Variants in SPTAN1 observed in about 807,000 individuals in gnomAD.
The protein encoded by SPTAN1 is spectrin alpha, non-erythrocytic 1, also known as spectrin alpha chain, non-erythrocytic 1.
SPTAN1 carries 61 observed loss-of-function variants against 331.3 expected under a neutral mutation model. The observed-to-expected ratio is 0.18, with a 90% CI of 0.15 to 0.23. The LOEUF is 0.23. SPTAN1 is among the 10% of genes least tolerant of loss of function. The pLI is 1.00. For missense variants in SPTAN1, 2,043 were observed against 3,147.9 expected, an observed-to-expected ratio of 0.65 and a Z score of 8.40; for synonymous variants, 1,153 against 1,173.9, an observed-to-expected ratio of 0.98 and a Z score of 0.36.
At chr9:128,559,275 G>C (rs1052355099) in intron 1 of SPTAN1, among the ~76,000 whole-genome samples, 1 of 152,166 alleles carries the variant, frequency 6.6e-6, no homozygotes, top group African/African-American at 2.4e-5. Context: ...AATTTCAGCA[G>C]GGCCTTGCTG....
intron 40 of SPTAN1, among the ~76,000 whole-genome samples, chr9:128,614,615 A>G (rs1856934827): frequency 6.7e-6 from 1 of 150,134 alleles, no homozygotes; most frequent in South Asian, 2.1e-4. Flanking sequence ...AAAAAACACA[A>G]AAATTAATTA....
chr9:128,622,376 C>T (rs777061288), intron 45 of SPTAN1, among the ~76,000 whole-genome samples: 32 of 150,678 alleles, frequency 2.1e-4, no homozygotes, highest in Admixed American at 1.7e-3. Flanking sequence ...CTGGGCTCAC[C>T]GCAACCTCCA....
intron 40 of SPTAN1, among the ~76,000 whole-genome samples, chr9:128,614,419 C>T (rs1210512614): frequency 6.6e-6 from 1 of 151,774 alleles, no homozygotes; most frequent in Non-Finnish European, 1.5e-5. Flanking sequence ...CAGTGAAACC[C>T]CGTTTCTACT....
chr9:128,581,995 A>G (rs1852005062), intron 12 of SPTAN1, 103 bp downstream of exon 12: 1 of 878,086 alleles, frequency 1.1e-6, no homozygotes, highest in Non-Finnish European at 1.9e-6. Flanking sequence ...ATTCATATGC[A>G]GAGTACTCCT....
intron 1 of SPTAN1, among the ~76,000 whole-genome samples, chr9:128,554,755 G>A (rs980067369): frequency 6.6e-6 from 1 of 152,242 alleles, no homozygotes; most frequent in African/African-American, 2.4e-5. Flanking sequence ...AGGAGGAGGA[G>A]GACTGCATAG....
chr9:128,586,021 T>A lies in SPTAN1; in HGVS notation c.2778+56T>A. ...CAGGGAAGTGGAACAGGGCTTGTAC[T>A]GAGAAGGAAGTTAGGAGAAGTAGTG... On this transcript the variant is annotated intron_variant, in intron 19 of 56. Transcript: ENST00000372739. The A allele has an allele frequency of 1.7e-5, 26 of 1,540,008 alleles. 1 individual carries two copies. In the South Asian group the frequency reaches 2.9e-4, roughly 17 times the overall value.
intron 1 of SPTAN1, among the ~76,000 whole-genome samples, chr9:128,554,436 A>G (rs1380370896): frequency 6.6e-6 from 1 of 152,182 alleles, no homozygotes; most frequent in Non-Finnish European, 1.5e-5. Context: ...AGCTGTTTTA[A>G]GTATGTCTTT....
intron 37 of SPTAN1, among the ~76,000 whole-genome samples, chr9:128,609,886 C>G (rs1330493195): frequency 6.6e-6 from 1 of 152,182 alleles, no homozygotes; most frequent in Non-Finnish European, 1.5e-5. Flanking sequence ...CCTTCTCTCC[C>G]CCAGTTTATC....
chr9:128,574,039 C>T (rs775396061), intron 3 of SPTAN1, among the ~76,000 whole-genome samples: 9 of 152,200 alleles, frequency 5.9e-5, no homozygotes, highest in East Asian at 1.9e-4. Context: ...AGGCATGAGC[C>T]GCTGCACCCA....
In SPTAN1 at chr9:128,611,695, AT is replaced by A. The variant is rs1064795314; in HGVS notation, c.4774-12del. Reference sequence around the variant, plus strand: ...CCTAGCAGGAACTGGTTTGGAAAAAATTTTTTTGGTATTTTTAGAGCAAGCA... The same window carrying A: ...CCTAGCAGGAACTGGTTTGGAAAAAATTTTTTGGTATTTTTAGAGCAAGCA... On this transcript the variant is annotated intron_variant, in intron 37 of 56. Transcript: ENST00000372739. 1 of 1,613,404 alleles carries A rather than the reference AT, an allele frequency of 6.2e-7. No individual in the cohort carries two copies.
chr9:128,589,127 A>G (rs1470962417), intron 21 of SPTAN1, among the ~76,000 whole-genome samples, 184 bp downstream of exon 21: 1 of 152,110 alleles, frequency 6.6e-6, no homozygotes, highest in Non-Finnish European at 1.5e-5. Context: ...CAAGAAGTTA[A>G]TCTGTCTTCT....
At chr9:128,561,699 A>G (rs966175870) in intron 1 of SPTAN1, among the ~76,000 whole-genome samples, 3 of 147,404 alleles carry the variant, frequency 2.0e-5, no homozygotes, top group African/African-American at 7.5e-5. Context: ...GAATATGTCA[A>G]TATGTCAACT....
chr9:128,555,529 T>C (rs769996442), intron 1 of SPTAN1: 5 of 580,750 alleles, frequency 8.6e-6, no homozygotes, highest in African/African-American at 2.0e-5. Context: ...GCATGACGTT[T>C]CTGTTAAACA....
At chr9:128,628,835 A>T (rs1297611319) in intron 51 of SPTAN1, 4 of 314,984 alleles carry the variant, frequency 1.3e-5, no homozygotes, top group African/African-American at 8.5e-5. Context: ...CACCCTGGCC[A>T]CCTGACTCCC....
chr9:128,594,906 G>A (rs538173384), intron 24 of SPTAN1, among the ~76,000 whole-genome samples: 9 of 139,000 alleles, frequency 6.5e-5, no homozygotes, highest in African/African-American at 2.5e-4. Flanking sequence ...TCGGCTCACT[G>A]CAACTCCTCC....
chr9:128,606,269 G>A (rs1482027800), intron 31 of SPTAN1, among the ~76,000 whole-genome samples: 1 of 142,544 alleles, frequency 7.0e-6, no homozygotes, highest in Non-Finnish European at 1.5e-5. Context: ...CCAGCTACTC[G>A]GGAGGCTGAG....
In SPTAN1 at chr9:128,608,047, C is replaced by T; in HGVS notation, c.4342C>T (p.Gln1448Ter). The T allele has an allele frequency of 6.2e-7, 1 of 1,614,158 alleles. No homozygotes were observed. Among genetic ancestry groups the T allele is most frequent in the Non-Finnish European group, 8.5e-7 (1 of 1,180,032 alleles). ...GATGCTGGATCAGTGCCTTGAACTGCAGGTGTGTGTGCTCCTGGTTTCTGA... is the reference window on the plus strand; with the variant it reads ...GATGCTGGATCAGTGCCTTGAACTGTAGGTGTGTGTGCTCCTGGTTTCTGA... ...RMMLDQCLEL[Q>*]LFHRDCEQAE... The change falls in exon 33 of 57, where the codon CAG (glutamine) becomes TAG (stop). Residue 1448 changes from glutamine to a stop codon, truncating the protein, a stop_gained and splice_region_variant. Coordinates refer to ENST00000372739, the MANE Select transcript of SPTAN1 (RefSeq NM_001130438.3). LOFTEE classifies it high-confidence loss of function.
chr9:128,555,620 CTTTT>C lies in SPTAN1; in HGVS notation c.-4+2944_-4+2947del, dbSNP rs751209866. ...AAATTTACTTGAAAATTTGCAAAGC[CTTTT>C]TTTTTTTTTTTTTTTTTTTAACCTC... On this transcript the variant is annotated intron_variant, in intron 1 of 56. Coordinates refer to ENST00000372739, the MANE Select transcript of SPTAN1 (RefSeq NM_001130438.3). Among the ~76,000 whole-genome samples the C allele has an allele frequency of 2.5e-3, 124 of 49,446 alleles. 4 individuals carry two copies. Among genetic ancestry groups the C allele is most frequent in the South Asian group, 3.5e-3 (6 of 1,708 alleles). The allele number at this position is 49,446 out of a possible 152,430, so 32.4% of individuals were successfully genotyped here.
At position 128,625,974 on chromosome 9, in the gene SPTAN1, G is replaced by A. The variant is rs1301624113; in HGVS notation, c.6275G>A (p.Arg2092His). 7 of 1,613,854 alleles carry A rather than the reference G, an allele frequency of 4.3e-6. No individual in the cohort carries two copies. Among genetic ancestry groups the A allele is most frequent in the East Asian group, 2.2e-5 (1 of 44,888 alleles). The change falls in exon 48 of 57, where the codon CGC (arginine) becomes CAC (histidine). Residue 2092 changes from arginine to histidine, a missense_variant. By Grantham distance (29) the Arg-to-His change is conservative. Around this residue, in one of 12 missense-constraint regions of SPTAN1, gnomAD observed 256 missense variants for 376.4 expected, o/e 0.68. Coordinates refer to ENST00000372739, the MANE Select transcript of SPTAN1 (RefSeq NM_001130438.3). This position sits in a 1 kb window ranked among gnomAD's most constrained non-coding sequence, Gnocchi z 4.1. The stretch of plus-strand genomic sequence containing the variant: ...CTTCTGGAGGCTCAGAGTCACTTCC[G>A]CAAGGTGAGGATGGGGCCACGTGAA... The part of the protein sequence containing the change: ...KKLLEAQSHF[R>H]KVEDLFLTFA...
Sources: allele counts gnomAD v4.1 joint callset (sites outside exome capture counted in the v4.1 genomes callset), GRCh38; gene constraint gnomAD v4.1.1; regional missense constraint gnomAD v4.1.1; non-coding constraint Gnocchi (gnomAD v3.1); transcripts MANE v1.5; gene names NCBI Gene and HGNC (gene_info 2026-07-23, HGNC 2026-07-21).